The following ABR variants were observed in gnomAD, a reference collection of about 807,000 sequenced individuals.
ABR encodes the protein ABR activator of RhoGEF and GTPase, also known as active breakpoint cluster region-related protein.
A neutral mutation model predicts 107.2 loss-of-function variants in ABR; 35 were observed. The observed-to-expected ratio is 0.33, with a 90% confidence interval of 0.25 to 0.43. ABR has a LOEUF of 0.43. ABR is among the 20% of genes least tolerant of loss of function. The pLI, the probability that ABR is intolerant of heterozygous loss-of-function variation, is 1.00. For synonymous variants in ABR, 498 were observed against 462.0 expected, an observed-to-expected ratio of 1.08 and a Z score of -1.00; for missense variants, 815 against 1,115.2, an observed-to-expected ratio of 0.73 and a Z score of 3.83.
chr17:1,079,024 C>G (rs1353272357), intron 6 of ABR: 30 of 1,165,708 alleles, frequency 2.6e-5, no homozygotes, highest in Non-Finnish European at 3.1e-5. Flanking sequence ...GGGAGGGAGG[C>G]GCGTGGCGAG....
chr17:1,079,217 A>G, intron 6 of ABR, 113 bp downstream of exon 6: 1 of 1,506,030 alleles, frequency 6.6e-7, no homozygotes, highest in Non-Finnish European at 8.9e-7. Context: ...TCACGCTCAC[A>G]CGCGCTCACA....
intron 13 of ABR, among the ~76,000 whole-genome samples, 181 bp downstream of exon 13, chr17:1,056,817 T>C (rs951692997): frequency 3.9e-5 from 6 of 152,208 alleles, no homozygotes; most frequent in African/African-American, 1.4e-4. Context: ...TGGGGTCATC[T>C]GGGAACTCAG....
chr17:1,099,936 T>C (rs2037749851), intron 3 of ABR, among the ~76,000 whole-genome samples: 2 of 152,098 alleles, frequency 1.3e-5, no homozygotes, highest in East Asian at 3.9e-4. Context: ...GAAACCAGCC[T>C]GGCCAACATG....
intron 16 of ABR, among the ~76,000 whole-genome samples, chr17:1,034,529 C>G (rs1011384323): frequency 6.6e-6 from 1 of 152,160 alleles, no homozygotes; most frequent in East Asian, 1.9e-4. Flanking sequence ...CCACGAACAT[C>G]GAGAGATACA....
At chr17:1,077,420 AG>A (rs1165457561) in intron 6 of ABR, among the ~76,000 whole-genome samples, 1 of 152,166 alleles carries the variant, frequency 6.6e-6, no homozygotes. Context: ...TTTCCTTTTC[AG>A]GGAGGCAGAG....
intron 2 of ABR, chr17:1,108,868 C>G: frequency 6.7e-7 from 1 of 1,485,716 alleles, no homozygotes; most frequent in African/African-American, 1.5e-5. Context: ...TCAGCCATTT[C>G]TCCCGCGCAC....
chr17:1,168,482 T>C (rs1000790181), intron 1 of ABR, among the ~76,000 whole-genome samples: 6 of 152,032 alleles, frequency 3.9e-5, no homozygotes, highest in Non-Finnish European at 7.4e-5. Context: ...CTTTGCAGGA[T>C]GGTGAGAGGC....
At chr17:1,040,124 C>A (rs992058763) in intron 16 of ABR, among the ~76,000 whole-genome samples, 3 of 152,154 alleles carry the variant, frequency 2.0e-5, no homozygotes, top group Non-Finnish European at 4.4e-5. Flanking sequence ...TGGGAGGGGT[C>A]CCAGTACCAC....
Position 1,157,795 on chromosome 17 carries a change from G to A in ABR, c.61+21872C>T, listed in dbSNP as rs558987879. The stretch of plus-strand genomic sequence containing the variant: ...CCTGCCTGCCAGGCACAGAACCTCA[G>A]GCGCACCCAGGCAGACCCACGATGG... On this transcript the variant is annotated intron_variant, in intron 1 of 22. Coordinates refer to ENST00000302538, the MANE Select transcript of ABR (RefSeq NM_021962.5). This position sits in a 1 kb window ranked among gnomAD's most constrained non-coding sequence, Gnocchi z 4.7. 2.4e-4 allele frequency among the ~76,000 whole-genome samples: 36 copies of A among 152,354 alleles called. No individual in the cohort carries two copies. The highest frequency in any genetic ancestry group is 2.0e-3 in the Admixed American group (30 of 15,302).
chr17:1,195,299 T>TCCG (rs557813493), intron 1 of ABR, among the ~76,000 whole-genome samples: 1 of 106,870 alleles, frequency 9.4e-6, no homozygotes, highest in Non-Finnish European at 2.0e-5. Context: ...AGAATGAGAC[T>TCCG]GTCTCAAAAA....
At chr17:1,170,902 G>C (rs985330548) in intron 1 of ABR, among the ~76,000 whole-genome samples, 2 of 152,060 alleles carry the variant, frequency 1.3e-5, no homozygotes, top group Non-Finnish European at 2.9e-5. Flanking sequence ...AGAGGCTCCC[G>C]TGGGCGCCAT....
intron 16 of ABR, among the ~76,000 whole-genome samples, chr17:1,029,792 C>G (rs1002638269): frequency 1.1e-5 from 1 of 93,044 alleles, no homozygotes; most frequent in South Asian, 4.2e-4. Flanking sequence ...GCAGACGTCC[C>G]TCCGTCCACC....
chr17:1,078,941 C>T lies in ABR; in HGVS notation c.700+389G>A, dbSNP rs1189712322. 2 of 1,528,354 alleles carry T rather than the reference C, an allele frequency of 1.3e-6. No individual in the cohort carries two copies. The highest frequency in any genetic ancestry group is 1.8e-6 in the Non-Finnish European group (2 of 1,142,534). The allele number at this position is 1,528,354 out of a possible 1,614,324, so 94.7% of individuals were successfully genotyped here. ...CCCACCAGCAGCCCGGCCACTCAGC[C>T]ACCTTGCTGATGCTGCCGCACGGAC... On this transcript the variant is annotated intron_variant, in intron 6 of 22. Coordinates refer to ENST00000302538, the MANE Select transcript of ABR (RefSeq NM_021962.5). This position sits in a 1 kb window ranked among gnomAD's most constrained non-coding sequence, Gnocchi z 7.5.
chr17:1,012,330 C>G, intron 18 of ABR: 1 of 641,146 alleles, frequency 1.6e-6, no homozygotes, highest in Non-Finnish European at 2.9e-6. Context: ...GACAAGGGGC[C>G]AGGGTGGTGG....
intron 6 of ABR, among the ~76,000 whole-genome samples, chr17:1,075,109 C>T (rs1049153764): frequency 5.9e-5 from 9 of 152,364 alleles, no homozygotes; most frequent in African/African-American, 1.9e-4. Context: ...CCTCCACAAC[C>T]CGGACACCAA....
Position 1,010,664 on chromosome 17 carries a change from T to G in ABR, c.2236+65A>C, listed in dbSNP as rs1031968832. 3 of 1,583,470 alleles carry G rather than the reference T, an allele frequency of 1.9e-6. No individual in the cohort carries two copies. Among genetic ancestry groups the G allele is most frequent in the Non-Finnish European group, 2.6e-6 (3 of 1,163,302 alleles). On this transcript the variant is annotated intron_variant, in intron 20 of 22. Transcript: ENST00000302538. This position sits in a 1 kb window ranked among gnomAD's most constrained non-coding sequence, Gnocchi z 4.1. The stretch of plus-strand genomic sequence containing the variant: ...ACAGATATTTCTCCTGCTGGTTACT[T>G]CTCCGGGCAGGGAGTCCTGGCTCAG...
chr17:1,195,400 A>G (rs1240689118), intron 1 of ABR, among the ~76,000 whole-genome samples: 3 of 151,552 alleles, frequency 2.0e-5, no homozygotes, highest in Non-Finnish European at 4.4e-5. Flanking sequence ...CCGGCCCTTA[A>G]GGGTGTTTTC....
intron 1 of ABR, among the ~76,000 whole-genome samples, chr17:1,163,192 T>C (rs1267340209): frequency 6.6e-6 from 1 of 152,230 alleles, no homozygotes; most frequent in East Asian, 1.9e-4. Flanking sequence ...AGGGAGTTAA[T>C]ACAGACAAAG....
chr17:1,100,587 C>CCAA lies in ABR; in HGVS notation c.345+47_345+49dup, dbSNP rs2037796328. ...AAGCAGCTTCAGAGCATGACATCAC[C>CCAA]CAACACGGGCGGGGGGACCGGAAGG... On this transcript the variant is annotated intron_variant, in intron 3 of 22. Transcript: ENST00000302538. 9 of 1,563,556 alleles carry CCAA rather than the reference C, an allele frequency of 5.8e-6. No individual in the cohort carries two copies. In the East Asian group the frequency reaches 2.0e-4, roughly 35 times the overall value.
Sources: gnomAD v4.1 joint callset for allele counts (sites outside exome capture counted in the v4.1 genomes callset) on GRCh38, gnomAD v4.1.1 for gene constraint, Gnocchi (gnomAD v3.1) non-coding constraint, MANE v1.5 for transcripts, NCBI Gene and HGNC (gene_info 2026-07-23, HGNC 2026-07-21) for gene names.